Variants in ABTB2 observed in about 807,000 individuals in gnomAD.
ABTB2 encodes ankyrin repeat and BTB domain containing 2.
ABTB2 carries 56 observed loss-of-function variants against 104.1 expected under a neutral mutation model. The ratio of observed to expected loss-of-function variants is 0.54; its 90% CI spans 0.43 to 0.67. The LOEUF (loss-of-function observed/expected upper bound fraction) is 0.67. ABTB2 is among the 30% of genes least tolerant of loss of function. The pLI, the probability that ABTB2 is intolerant of heterozygous loss-of-function variation, is 0.00. For synonymous variants in ABTB2, 606 were observed against 608.2 expected (o/e 1.00, Z 0.05); for missense variants, 1,279 against 1,407.7 (o/e 0.91, Z 1.46).
chr11:34,327,729 C>G (rs769749028), intron 1 of ABTB2, among the ~76,000 whole-genome samples: 4 of 152,172 alleles, frequency 2.6e-5, no homozygotes, highest in Admixed American at 6.5e-5. Context: ...ACTCTTCCCC[C>G]TCTCCCAGAT....
At chr11:34,205,743 T>G (rs111865091) in intron 1 of ABTB2, among the ~76,000 whole-genome samples, 1 of 152,088 alleles carries the variant, frequency 6.6e-6, no homozygotes, top group Non-Finnish European at 1.5e-5. Context: ...ACGTGTGATG[T>G]AACAAGGACA....
chr11:34,226,129 G>T (rs1190190573), intron 1 of ABTB2, among the ~76,000 whole-genome samples: 1 of 150,602 alleles, frequency 6.6e-6, no homozygotes, highest in Non-Finnish European at 1.5e-5. Flanking sequence ...TTGAGCCTGG[G>T]AGGCAGAGAT....
At chr11:34,191,754 C>T (rs1456362438) in intron 3 of ABTB2, among the ~76,000 whole-genome samples, 1 of 152,172 alleles carries the variant, frequency 6.6e-6, no homozygotes, top group Non-Finnish European at 1.5e-5. Flanking sequence ...GGGGGCAGGA[C>T]CTTCTCAGCC....
At chr11:34,186,104 G>A (rs543702508) in intron 3 of ABTB2, among the ~76,000 whole-genome samples, 3 of 152,356 alleles carry the variant, frequency 2.0e-5, no homozygotes, top group South Asian at 2.1e-4. Context: ...TGGGGCCCAC[G>A]GCACCGCTCC....
chr11:34,172,199 C>A (rs1429370591), intron 4 of ABTB2, among the ~76,000 whole-genome samples: 1 of 151,456 alleles, frequency 6.6e-6, no homozygotes, highest in African/African-American at 2.4e-5. Context: ...ATGATGAAAC[C>A]CAGTCTCTAC....
chr11:34,273,955 A>G lies in ABTB2; in HGVS notation c.884-69265T>C, dbSNP rs1026005987. Among the ~76,000 whole-genome samples, 179 of 151,544 alleles carry G rather than the reference A, an allele frequency of 1.2e-3. 1 individual carries two copies. The highest frequency in any genetic ancestry group is 3.2e-3 in the African/African-American group (134 of 41,288). On this transcript the variant is annotated intron_variant, in intron 1 of 16. Transcript: ENST00000435224. The stretch of plus-strand genomic sequence containing the variant: ...ATCATGAGGTCAGGAGATCGAGACC[A>G]TCCTGGCTAACAAGGTGAAACCCCG...
intron 1 of ABTB2, among the ~76,000 whole-genome samples, chr11:34,241,700 T>C (rs1393866810): frequency 6.6e-6 from 1 of 152,218 alleles, no homozygotes; most frequent in Non-Finnish European, 1.5e-5. Context: ...AAGACCAGCC[T>C]GGGCAAGATG....
chr11:34,329,163 G>T (rs554457910), intron 1 of ABTB2, among the ~76,000 whole-genome samples: 1 of 152,212 alleles, frequency 6.6e-6, no homozygotes, highest in African/African-American at 2.4e-5. Flanking sequence ...AGAGAGGAAA[G>T]GTTTCATTAG....
Position 34,357,826 on chromosome 11 carries a change from C to A in ABTB2, c.-243G>T. On this transcript the variant is annotated 5_prime_UTR_variant, in exon 1 of 17. Transcript: ENST00000435224. ...CAGCTGCCACTGGAAAGAACCCCGT[C>A]GCTACCCCCCGGCACTCCCCCTTGT... 2 of 494,612 alleles carry A rather than the reference C, an allele frequency of 4.0e-6. No homozygotes were observed. Among genetic ancestry groups the A allele is most frequent in the Non-Finnish European group, 7.1e-6 (2 of 280,100 alleles). The allele number at this position is 494,612 out of a possible 1,614,324, so 30.6% of individuals were successfully genotyped here.
intron 8 of ABTB2, among the ~76,000 whole-genome samples, 155 bp downstream of exon 8, chr11:34,165,105 G>A (rs1852779962): frequency 6.6e-6 from 1 of 152,214 alleles, no homozygotes; most frequent in South Asian, 2.1e-4. Context: ...GTGGGGCCAG[G>A]GGAAGCCCCC....
chr11:34,172,437 T>TATATAGATAGATAG (rs1554980694), intron 4 of ABTB2, among the ~76,000 whole-genome samples: 1 of 92,462 alleles, frequency 1.1e-5, no homozygotes, highest in East Asian at 2.4e-4. Flanking sequence ...TGTGTGTGTA[T>TATATAGATAGATAG]ATAGATAGAT....
chr11:34,162,696 C>T lies in ABTB2; in HGVS notation c.2098G>A (p.Gly700Ser), dbSNP rs1420815287. The change falls in exon 10 of 17, where the codon GGC (glycine) becomes AGC (serine). Residue 700 changes from glycine to serine, a missense_variant. Transcript: ENST00000435224. ...CGCACGGGCCCCTCGCTGCCACTGC[C>T]CTGGCTCGACGCATCACTTTCCTCC... ...GVEESDASSQ[G>S]SGSEGPVRLS... is the part of the protein sequence containing the mutation. 6.2e-7 allele frequency: 1 copy of T among 1,612,910 alleles called. No homozygotes were observed. The highest frequency in any genetic ancestry group is 1.1e-5 in the South Asian group (1 of 91,078).
chr11:34,178,516 C>G (rs1444928066), intron 3 of ABTB2, among the ~76,000 whole-genome samples: 1 of 152,198 alleles, frequency 6.6e-6, no homozygotes, highest in Non-Finnish European at 1.5e-5. Context: ...CCTGAAGGAG[C>G]AAGGCTGAGA....
chr11:34,194,774 TG>T (rs1185062860), intron 3 of ABTB2, among the ~76,000 whole-genome samples: 91 of 74,912 alleles, frequency 1.2e-3, no homozygotes, highest in African/African-American at 5.0e-3. Context: ...CTTAAAAATT[TG>T]GTTTTTTTTT....
intron 1 of ABTB2, among the ~76,000 whole-genome samples, chr11:34,296,643 A>G (rs1854626051): frequency 6.6e-6 from 1 of 152,248 alleles, no homozygotes; most frequent in African/African-American, 2.4e-5. Context: ...GGCAGAGGCC[A>G]GCATCTTCCA....
At chr11:34,347,477 G>A (rs1389976089) in intron 1 of ABTB2, among the ~76,000 whole-genome samples, 2 of 151,628 alleles carry the variant, frequency 1.3e-5, no homozygotes, top group African/African-American at 4.8e-5. Context: ...GGAAACTGTG[G>A]GCCTCAAGTC....
At chr11:34,347,508 T>C (rs1460761110) in intron 1 of ABTB2, among the ~76,000 whole-genome samples, 1 of 152,204 alleles carries the variant, frequency 6.6e-6, no homozygotes, top group Non-Finnish European at 1.5e-5. Flanking sequence ...AATGACTGTG[T>C]ATGTATTTTT....
chr11:34,297,137 C>G (rs1854632268), intron 1 of ABTB2, among the ~76,000 whole-genome samples: 1 of 152,188 alleles, frequency 6.6e-6, no homozygotes, highest in Admixed American at 6.5e-5. Context: ...TTGGCACTTT[C>G]TGTACGTATT....
chr11:34,338,780 AT>A (rs1855225170), intron 1 of ABTB2, among the ~76,000 whole-genome samples: 1 of 152,228 alleles, frequency 6.6e-6, no homozygotes, highest in African/African-American at 2.4e-5. Flanking sequence ...GGGTTCCAGA[AT>A]ACTAATGTTA....
Sources: gnomAD v4.1 joint callset for allele counts (sites outside exome capture counted in the v4.1 genomes callset) on GRCh38, gnomAD v4.1.1 for gene constraint, MANE v1.5 for transcripts, NCBI Gene and HGNC (gene_info 2026-07-23, HGNC 2026-07-21) for gene names.